Variants in ALG9 observed in about 807,000 individuals in gnomAD.
The protein encoded by ALG9 is alpha-1,2-mannosyltransferase ALG9.
Under a neutral mutation model 81.8 loss-of-function variants are expected in ALG9, and 55 were observed. That is an observed-to-expected ratio of 0.67 (90% CI 0.54 to 0.84). The LOEUF is 0.84. ALG9 is among the 40% of genes least tolerant of loss of function. ALG9 has a pLI of 0.00. For synonymous variants in ALG9, 278 were observed against 274.3 expected, an observed-to-expected ratio of 1.01 and a Z score of -0.13; for missense variants, 629 against 745.0, an observed-to-expected ratio of 0.84 and a Z score of 1.81.
At chr11:111,815,204 A>G (rs1353960567) in intron 13 of ALG9, among the ~76,000 whole-genome samples, 1 of 152,166 alleles carries the variant, frequency 6.6e-6, no homozygotes, top group African/African-American at 2.4e-5. Context: ...TCAAGGCCCA[A>G]TCTGAGCAAC....
At chr11:111,848,338 T>C (rs1225663273) in intron 8 of ALG9, among the ~76,000 whole-genome samples, 1 of 152,188 alleles carries the variant, frequency 6.6e-6, no homozygotes, top group Non-Finnish European at 1.5e-5. Flanking sequence ...GTCTCACTAA[T>C]ACATGCTACC....
intron 13 of ALG9, chr11:111,817,673 C>T (rs1261046507): frequency 2.6e-5 from 4 of 151,908 alleles, no homozygotes; most frequent in African/African-American, 4.8e-5. Flanking sequence ...AGGCTGGTCT[C>T]GAACTCCTGG....
intron 3 of ALG9, among the ~76,000 whole-genome samples, chr11:111,866,178 C>A (rs1181265443): frequency 6.6e-6 from 1 of 152,084 alleles, no homozygotes; most frequent in East Asian, 1.9e-4. Flanking sequence ...GCAACTGTAA[C>A]CCCAGCTACT....
At chr11:111,816,704 G>T (rs1008604869) in intron 13 of ALG9, among the ~76,000 whole-genome samples, 4 of 152,162 alleles carry the variant, frequency 2.6e-5, no homozygotes, top group African/African-American at 9.7e-5. Flanking sequence ...CCACAGGCAT[G>T]TGCCACCATG....
chr11:111,813,929 T>C (rs576520349), intron 13 of ALG9, among the ~76,000 whole-genome samples: 1 of 152,358 alleles, frequency 6.6e-6, no homozygotes, highest in South Asian at 2.1e-4. Context: ...ATGTATTTCC[T>C]ATGATCTAAC....
At chr11:111,815,738 A>T (rs1951378704) in intron 13 of ALG9, among the ~76,000 whole-genome samples, 1 of 152,174 alleles carries the variant, frequency 6.6e-6, no homozygotes, top group Non-Finnish European at 1.5e-5. Flanking sequence ...CACTTACCTC[A>T]AAGAGTTATA....
chr11:111,776,128 G>A, the ALG9 span, among the ~76,000 whole-genome samples: 8 of 151,884 alleles, frequency 5.3e-5, no homozygotes, highest in African/African-American at 1.9e-4. Context: ...AGCCTAGGTG[G>A]GAGGATCACT....
At chr11:111,768,025 T>A in the ALG9 span, among the ~76,000 whole-genome samples, 2 of 152,246 alleles carry the variant, frequency 1.3e-5, no homozygotes, top group African/African-American at 2.4e-5. Flanking sequence ...CATTTACATG[T>A]GTGTTTTAGT....
At chr11:111,780,413 T>TTTTTTC (rs1945868455), downstream of ALG9, among the ~76,000 whole-genome samples, 1 of 114,084 alleles carries the variant, frequency 8.8e-6, no homozygotes. Flanking sequence ...TTTGTTTTTT[T>TTTTTTC]TGAGACAGAG....
chr11:111,857,772 A>C (rs1555144552), intron 5 of ALG9, 35 bp from the exon 6 acceptor site: 1 of 1,612,974 alleles, frequency 6.2e-7, no homozygotes, highest in Non-Finnish European at 8.5e-7. Context: ...AGGCAGGAGG[A>C]CAAGAGCTCG....
At position 111,813,688 on chromosome 11, in the gene ALG9, G is replaced by A. The variant is rs539228368; in HGVS notation, c.1603-3915C>T. 5.9e-5 allele frequency among the ~76,000 whole-genome samples: 9 copies of A among 152,154 alleles called. No homozygotes were observed. In the South Asian group the frequency reaches 1.4e-3, roughly 25 times the overall value. The stretch of plus-strand genomic sequence containing the variant: ...AAGACAAACCACCCAAAAGAAAAAC[G>A]GGCAAGTGACTTAGGTACTTTATAA... On this transcript the variant is annotated intron_variant, in intron 13 of 14. Coordinates refer to ENST00000616540, the MANE Select transcript of ALG9 (RefSeq NM_024740.2).
chr11:111,830,861 T>C (rs1461617978), intron 13 of ALG9, among the ~76,000 whole-genome samples: 2 of 151,978 alleles, frequency 1.3e-5, no homozygotes, highest in South Asian at 2.1e-4. Flanking sequence ...AAACTAGAAA[T>C]GGAAAGTAAT....
intron 13 of ALG9, among the ~76,000 whole-genome samples, chr11:111,811,795 C>T (rs1303883977): frequency 2.0e-5 from 3 of 152,002 alleles, no homozygotes; most frequent in Non-Finnish European, 4.4e-5. Context: ...TCGTAATAGG[C>T]AAATCCTCCA....
At chr11:111,794,927 CA>C (rs1948019114) in intron 14 of ALG9, among the ~76,000 whole-genome samples, 1 of 152,198 alleles carries the variant, frequency 6.6e-6, no homozygotes, top group Admixed American at 6.5e-5. Flanking sequence ...AGTTCCATAT[CA>C]AGCAATTTAA....
chr11:111,786,317 A>G lies in ALG9; in HGVS notation c.*80T>C. 1 of 1,593,188 alleles carries G rather than the reference A, an allele frequency of 6.3e-7. No individual in the cohort carries two copies. The highest frequency in any genetic ancestry group is 8.6e-7 in the Non-Finnish European group (1 of 1,163,080). ...AGAAGACCTTTATTACAAATGTTAC[A>G]GGCGATGACTTGCAGGGAGTCAGGT... is the stretch of plus-strand genomic sequence containing the variant. On this transcript the variant is annotated 3_prime_UTR_variant, in exon 15 of 15. Transcript: ENST00000616540.
intron 13 of ALG9, among the ~76,000 whole-genome samples, chr11:111,834,194 G>A (rs554121828): frequency 6.6e-6 from 1 of 152,328 alleles, no homozygotes; most frequent in African/African-American, 2.4e-5. Flanking sequence ...GACACTTAAA[G>A]GAAGGTCTGC....
intron 13 of ALG9, chr11:111,814,816 T>C (rs188589173): frequency 3.8e-4 from 58 of 152,338 alleles, no homozygotes; most frequent in Admixed American, 1.9e-3. Flanking sequence ...CTTCAGGAAG[T>C]AGCCTTTTTG....
intron 6 of ALG9, among the ~76,000 whole-genome samples, chr11:111,855,962 A>G (rs1172224939): frequency 1.3e-5 from 2 of 152,154 alleles, no homozygotes; most frequent in Admixed American, 6.5e-5. Context: ...AATTCCCACA[A>G]GTGCACAAAG....
rs1176549771 is a variant in ALG9, at chr11:111,783,324, G to T, written c.*3073C>A. 2 of 152,198 alleles carry T rather than the reference G, an allele frequency of 1.3e-5. No homozygotes were observed. The highest frequency in any genetic ancestry group is 4.8e-5 in the African/African-American group (2 of 41,374). 9.4% of individuals were successfully genotyped at this position (152,198 alleles called of 1,614,324 possible). A position where few individuals can be genotyped will look rare whatever the true frequency, so the allele number is the denominator to read the frequency against. ...ACAAAAATTAGCTGAGTGCGGTGGT[G>T]GTGTGTGCCTGTAATCCCAGCTACT... On this transcript the variant is annotated 3_prime_UTR_variant, in exon 15 of 15. Coordinates refer to ENST00000616540, the MANE Select transcript of ALG9 (RefSeq NM_024740.2).
Sources: gnomAD v4.1 joint callset for allele counts (sites outside exome capture counted in the v4.1 genomes callset) on GRCh38, gnomAD v4.1.1 for gene constraint, MANE v1.5 for transcripts, NCBI Gene and HGNC (gene_info 2026-07-23, HGNC 2026-07-21) for gene names.